Variants in SLC26A2 observed in about 807,000 individuals in gnomAD.
SLC26A2 encodes sulfate transporter.
A neutral mutation model predicts 41.1 loss-of-function variants in SLC26A2; 36 were observed. That is an observed-to-expected ratio of 0.88 (90% CI 0.67 to 1.16). The LOEUF is 1.16. Among genes scored for constraint, SLC26A2 ranks in the 50% most tolerant of loss-of-function variants. The pLI is 0.00. For synonymous variants in SLC26A2, 291 were observed against 311.6 expected (o/e 0.93, Z 0.70); for missense variants, 796 against 869.6 (o/e 0.92, Z 1.07).
At position 149,982,330 on chromosome 5, in the gene SLC26A2, T is replaced by A. The variant is rs1044666634; in HGVS notation, c.*517T>A. 1.3e-5 allele frequency: 2 copies of A among 153,516 alleles called. No individual in the cohort carries two copies. Among genetic ancestry groups the A allele is most frequent in the Non-Finnish European group, 2.9e-5 (2 of 68,980 alleles). 9.5% of individuals were successfully genotyped at this position (153,516 alleles called of 1,614,324 possible). ...CTTGTAGTTTTCTATCCCCAGTCTTTGCTCCCCAGATGGCAGTAGTTTTTA... is the reference window on the plus strand; with the variant it reads ...CTTGTAGTTTTCTATCCCCAGTCTTAGCTCCCCAGATGGCAGTAGTTTTTA... On this transcript the variant is annotated 3_prime_UTR_variant, in exon 3 of 3. Transcript: ENST00000286298.
At chr5:149,968,235 C>T (rs1754839585) in intron 1 of SLC26A2, among the ~76,000 whole-genome samples, 1 of 152,066 alleles carries the variant, frequency 6.6e-6, no homozygotes, top group South Asian at 2.1e-4. Context: ...CATTAGTATA[C>T]AAATATCTGT....
At chr5:149,973,073 C>A (rs2113692312) in intron 1 of SLC26A2, among the ~76,000 whole-genome samples, 1 of 152,144 alleles carries the variant, frequency 6.6e-6, no homozygotes, top group African/African-American at 2.4e-5. Context: ...AGTCCCAGCA[C>A]TTTGGGAGAC....
chr5:149,981,283 G>C lies in SLC26A2; in HGVS notation c.1690G>C (p.Glu564Gln). ...CTTGGTGGAAGAGTCTGAGGTCTTT[G>C]AATCTGTGTCTGCTTACAAGAACCT... is the stretch of plus-strand genomic sequence containing the variant. ...LGLVEESEVF[E>Q]SVSAYKNLQI... Residue 564 changes from glutamate to glutamine, a missense_variant, in exon 3 of 3, where the codon GAA becomes CAA. By Grantham distance (29) the Glu-to-Gln change is conservative (BLOSUM62 2). Coordinates refer to ENST00000286298, the MANE Select transcript of SLC26A2 (RefSeq NM_000112.4). 1 of 1,614,128 alleles carries C rather than the reference G, an allele frequency of 6.2e-7. No homozygotes were observed. Among genetic ancestry groups the C allele is most frequent in the East Asian group, 2.2e-5 (1 of 44,884 alleles).
At chr5:149,976,511 C>A (rs1009627876) in intron 1 of SLC26A2, among the ~76,000 whole-genome samples, 1 of 152,184 alleles carries the variant, frequency 6.6e-6, no homozygotes, top group Admixed American at 6.5e-5. Flanking sequence ...GATGGCCATT[C>A]TAAGCTAAGT....
At chr5:149,963,316 G>T (rs1244402485) in intron 1 of SLC26A2, among the ~76,000 whole-genome samples, 1 of 143,184 alleles carries the variant, frequency 7.0e-6, no homozygotes, top group African/African-American at 2.6e-5. Flanking sequence ...GTCTCACTTT[G>T]TCTCCAGGCC....
chr5:149,978,373 G>C (rs1755035276), intron 2 of SLC26A2, 22 bp downstream of exon 2: 1 of 1,570,468 alleles, frequency 6.4e-7, no homozygotes, highest in South Asian at 1.1e-5. Flanking sequence ...TGAAACAATT[G>C]GTTATTTCTA....
chr5:149,961,120 G>A (rs979180459), intron 1 of SLC26A2, 141 bp downstream of exon 1: 15 of 152,474 alleles, frequency 9.8e-5, no homozygotes, highest in African/African-American at 3.6e-4. Context: ...GTGGAGCGGG[G>A]CGTGCGTCAG....
chr5:149,962,050 T>C (rs903725518), intron 1 of SLC26A2: 2 of 152,246 alleles, frequency 1.3e-5, no homozygotes, highest in Admixed American at 6.5e-5. Flanking sequence ...ATATGACTGC[T>C]GAGCAGTATA....
chr5:149,973,983 CA>C (rs922796384), intron 1 of SLC26A2, among the ~76,000 whole-genome samples: 4 of 151,680 alleles, frequency 2.6e-5, no homozygotes, highest in Non-Finnish European at 5.9e-5. Flanking sequence ...CTTGTCTCTA[CA>C]AAAAAAATTA....
chr5:149,981,996 A>G lies in SLC26A2; in HGVS notation c.*183A>G. On this transcript the variant is annotated 3_prime_UTR_variant, in exon 3 of 3. Transcript: ENST00000286298. ...ACTGCAGCAGAGCTTGTAGCTGGAC[A>G]GAGTCAAAAAGAAGAAAATACGGTT... is the stretch of plus-strand genomic sequence containing the variant. 1.7e-6 allele frequency: 1 copy of G among 590,128 alleles called. No homozygotes were observed. Among genetic ancestry groups the G allele is most frequent in the Non-Finnish European group, 3.0e-6 (1 of 335,740 alleles). 36.6% of individuals were successfully genotyped at this position (590,128 alleles called of 1,614,324 possible). A position where few individuals can be genotyped will look rare whatever the true frequency, so the allele number is the denominator to read the frequency against.
At chr5:149,971,422 G>C (rs1754896191) in intron 1 of SLC26A2, among the ~76,000 whole-genome samples, 1 of 151,830 alleles carries the variant, frequency 6.6e-6, no homozygotes, top group African/African-American at 2.4e-5. Context: ...TTCTTTTTCT[G>C]AGGGTCTCAT....
chr5:149,976,201 T>C (rs1754989319), intron 1 of SLC26A2, among the ~76,000 whole-genome samples: 1 of 151,724 alleles, frequency 6.6e-6, no homozygotes, highest in South Asian at 2.1e-4. Context: ...CAGTCACAAA[T>C]GTTTGTTCAT....
At chr5:149,969,877 ACT>A (rs1754873697) in intron 1 of SLC26A2, among the ~76,000 whole-genome samples, 1 of 151,526 alleles carries the variant, frequency 6.6e-6, no homozygotes, top group African/African-American at 2.4e-5. Context: ...TGTATTCTCC[ACT>A]CTCAGAATAC....
At chr5:149,973,983 C>CA (rs922796384) in intron 1 of SLC26A2, among the ~76,000 whole-genome samples, 8 of 151,680 alleles carry the variant, frequency 5.3e-5, no homozygotes, top group South Asian at 4.2e-4. Flanking sequence ...CTTGTCTCTA[C>CA]AAAAAAAATT....
In SLC26A2 at chr5:149,985,202, T is replaced by G. The variant is rs547241031; in HGVS notation, c.*3389T>G. 6.6e-6 allele frequency: 1 copy of G among 152,318 alleles called. No individual in the cohort carries two copies. Among genetic ancestry groups the G allele is most frequent in the East Asian group, 1.9e-4 (1 of 5,182 alleles). The allele number at this position is 152,318 out of a possible 1,614,324, so 9.4% of individuals were successfully genotyped here. On this transcript the variant is annotated 3_prime_UTR_variant, in exon 3 of 3. Coordinates refer to ENST00000286298, the MANE Select transcript of SLC26A2 (RefSeq NM_000112.4). ...ACCAAAGCTGAAAGGGCTGAGGAGCTCATGGTAGCCTGGGCTGACCTACTC... is the reference window on the plus strand; with the variant it reads ...ACCAAAGCTGAAAGGGCTGAGGAGCGCATGGTAGCCTGGGCTGACCTACTC...
chr5:149,971,420 C>T (rs571300252), intron 1 of SLC26A2, among the ~76,000 whole-genome samples: 1 of 151,964 alleles, frequency 6.6e-6, no homozygotes, highest in Non-Finnish European at 1.5e-5. Flanking sequence ...TTTTCTTTTT[C>T]TGAGGGTCTC....
chr5:149,980,635 C>A lies in SLC26A2; in HGVS notation c.1042C>A (p.His348Asn), dbSNP rs1755079753. Residue 348 changes from histidine to asparagine, a missense_variant, in exon 3 of 3, where the codon CAT becomes AAT. By Grantham distance (68) the His-to-Asn change is moderately conservative. Coordinates refer to ENST00000286298, the MANE Select transcript of SLC26A2 (RefSeq NM_000112.4). ...VVVVAATLAS[H>N]FGKLHENYNS... is the part of the protein sequence containing the mutation. ...TGTTGTAGCAGCCACATTAGCCTCT[C>A]ATTTTGGAAAACTACATGAAAATTA... 6.2e-7 allele frequency: 1 copy of A among 1,614,038 alleles called. No individual in the cohort carries two copies. Among genetic ancestry groups the A allele is most frequent in the African/African-American group, 1.3e-5 (1 of 75,042 alleles).
intron 2 of SLC26A2, among the ~76,000 whole-genome samples, 196 bp downstream of exon 2, chr5:149,978,547 C>G (rs945469071): frequency 1.3e-5 from 2 of 152,166 alleles, no homozygotes; most frequent in African/African-American, 4.8e-5. Flanking sequence ...CACTGGACCT[C>G]CACCACCCAG....
Position 149,981,109 on chromosome 5 carries a change from A to T in SLC26A2, c.1516A>T (p.Ser506Cys). Residue 506 changes from serine to cysteine, a missense_variant, in exon 3 of 3, where the codon AGT (serine) becomes TGT (cysteine). Coordinates refer to ENST00000286298, the MANE Select transcript of SLC26A2 (RefSeq NM_000112.4). ...ATTTAGGGATCTTCCCAAAATGTGG[A>T]GTATTAGTAGAATGGATACAGTTAT... ...RKFRDLPKMW[S>C]ISRMDTVIWF... 1 of 1,614,142 alleles carries T rather than the reference A, an allele frequency of 6.2e-7. No homozygotes were observed. The highest frequency in any genetic ancestry group is 8.5e-7 in the Non-Finnish European group (1 of 1,179,996).
Sources: gnomAD v4.1 joint callset for allele counts (sites outside exome capture counted in the v4.1 genomes callset) on GRCh38, gnomAD v4.1.1 for gene constraint, MANE v1.5 for transcripts, NCBI Gene and HGNC (gene_info 2026-07-23, HGNC 2026-07-21) for gene names.